Variants in TOX observed in about 807,000 individuals in gnomAD.
TOX encodes thymocyte selection associated high mobility group box.
TOX carries 11 observed loss-of-function variants against 53.7 expected under a neutral mutation model. The ratio of observed to expected loss-of-function variants is 0.20; its 90% CI spans 0.13 to 0.34. The LOEUF is 0.34. Ranked by LOEUF, TOX falls within the 10% of genes least tolerant of loss-of-function variation. TOX has a pLI of 1.00. For missense variants in TOX, 570 were observed against 664.6 expected, an observed-to-expected ratio of 0.86 and a Z score of 1.56; for synonymous variants, 225 against 245.3, an observed-to-expected ratio of 0.92 and a Z score of 0.77.
intron 3 of TOX, among the ~76,000 whole-genome samples, chr8:58,860,633 A>G (rs927076976): frequency 3.9e-5 from 6 of 152,164 alleles, no homozygotes; most frequent in African/African-American, 1.2e-4. Flanking sequence ...CACTGACACA[A>G]TTATGACCAA....
intron 1 of TOX, among the ~76,000 whole-genome samples, chr8:59,018,641 C>A (rs917297243): frequency 2.0e-5 from 3 of 152,054 alleles, no homozygotes; most frequent in Non-Finnish European, 4.4e-5. Context: ...TGGGGTGTTC[C>A]GGAGTTTCTT....
chr8:58,936,516 C>T (rs1035990191), intron 3 of TOX, among the ~76,000 whole-genome samples: 1 of 152,136 alleles, frequency 6.6e-6, no homozygotes, highest in Non-Finnish European at 1.5e-5. Context: ...ACATTGAGAC[C>T]ATGGTAAGCA....
At chr8:59,074,351 A>C (rs1007070509) in intron 1 of TOX, among the ~76,000 whole-genome samples, 11 of 152,230 alleles carry the variant, frequency 7.2e-5, no homozygotes, top group African/African-American at 2.4e-4. Flanking sequence ...AGAGAAAAAG[A>C]AGCAGATGAA....
chr8:58,900,223 T>C (rs981607068), intron 3 of TOX, among the ~76,000 whole-genome samples: 2 of 152,180 alleles, frequency 1.3e-5, no homozygotes, highest in African/African-American at 4.8e-5. Context: ...TAACTATTTT[T>C]TTCAACCACA....
rs566994019 is a variant in TOX, at chr8:58,924,017, T to G, written c.411+15285A>C. 3.3e-5 allele frequency among the ~76,000 whole-genome samples: 5 copies of G among 152,318 alleles called. No individual in the cohort carries two copies. The East Asian group carries it at 9.6e-4, about 29-fold the overall frequency. On this transcript the variant is annotated intron_variant, in intron 3 of 8. Transcript: ENST00000361421. ...CATATCAATTTTGGAAACTTTTATA[T>G]TCCATGAAGCTCTAAGGTAAGAATC...
intron 2 of TOX, among the ~76,000 whole-genome samples, chr8:58,955,444 C>T (rs1472252240): frequency 6.6e-6 from 1 of 151,930 alleles, no homozygotes; most frequent in East Asian, 1.9e-4. Flanking sequence ...GGGAACCAAA[C>T]AGAAGGAAAT....
chr8:58,997,441 T>A (rs1209026940), intron 1 of TOX, among the ~76,000 whole-genome samples: 1 of 152,104 alleles, frequency 6.6e-6, no homozygotes, highest in Non-Finnish European at 1.5e-5. Flanking sequence ...CTTTGACGAG[T>A]CTTTGGCTTC....
At chr8:59,015,232 A>G (rs1351915852) in intron 1 of TOX, among the ~76,000 whole-genome samples, 1 of 152,252 alleles carries the variant, frequency 6.6e-6, no homozygotes, top group Non-Finnish European at 1.5e-5. Flanking sequence ...ATATTTTAAA[A>G]TAAATACGAT....
chr8:58,869,085 G>A (rs1223281690), intron 3 of TOX, among the ~76,000 whole-genome samples: 1 of 151,842 alleles, frequency 6.6e-6, no homozygotes, highest in Non-Finnish European at 1.5e-5. Flanking sequence ...AAATTAGCTG[G>A]GCATGGTGGT....
chr8:59,010,212 G>A (rs1813876341), intron 1 of TOX, among the ~76,000 whole-genome samples: 1 of 152,082 alleles, frequency 6.6e-6, no homozygotes, highest in South Asian at 2.1e-4. Flanking sequence ...ATAAAATGAG[G>A]ATACAAAGCA....
At chr8:58,993,479 G>C (rs1813494506) in intron 1 of TOX, among the ~76,000 whole-genome samples, 2 of 152,188 alleles carry the variant, frequency 1.3e-5, no homozygotes, top group Non-Finnish European at 2.9e-5. Flanking sequence ...CATTGCGCCA[G>C]ACTGGGAAAA....
chr8:59,084,022 T>C (rs901499517), intron 1 of TOX, among the ~76,000 whole-genome samples: 1 of 152,190 alleles, frequency 6.6e-6, no homozygotes, highest in Admixed American at 6.5e-5. Flanking sequence ...ACAATACATA[T>C]AATCCTTTTA....
chr8:58,895,823 T>C (rs1811635278), intron 3 of TOX, among the ~76,000 whole-genome samples: 1 of 152,192 alleles, frequency 6.6e-6, no homozygotes, highest in African/African-American at 2.4e-5. Flanking sequence ...TTTAATTCCC[T>C]TGAGGCTCAG....
At chr8:59,015,407 CA>C (rs1813989123) in intron 1 of TOX, among the ~76,000 whole-genome samples, 1 of 152,190 alleles carries the variant, frequency 6.6e-6, no homozygotes, top group African/African-American at 2.4e-5. Context: ...TCCCCTCCCC[CA>C]ACATGCAAAA....
At chr8:58,979,634 TG>T (rs1373169767) in intron 1 of TOX, among the ~76,000 whole-genome samples, 1 of 152,224 alleles carries the variant, frequency 6.6e-6, no homozygotes, top group Non-Finnish European at 1.5e-5. Context: ...CACTCCATAT[TG>T]ATGATATAAA....
At chr8:58,923,190 A>C (rs1812101143) in intron 3 of TOX, among the ~76,000 whole-genome samples, 1 of 152,158 alleles carries the variant, frequency 6.6e-6, no homozygotes, top group Non-Finnish European at 1.5e-5. Context: ...TCTTGTGTGG[A>C]GAATGTATCA....
intron 1 of TOX, among the ~76,000 whole-genome samples, chr8:59,028,974 T>C (rs1814298018): frequency 6.6e-6 from 1 of 152,158 alleles, no homozygotes; most frequent in African/African-American, 2.4e-5. Flanking sequence ...AAATTCTGAA[T>C]TGAGGCTTCA....
intron 3 of TOX, among the ~76,000 whole-genome samples, chr8:58,884,677 T>C (rs965371721): frequency 6.6e-6 from 1 of 152,128 alleles, no homozygotes; most frequent in Non-Finnish European, 1.5e-5. Context: ...CAAGTTTTAA[T>C]TCAGGACAGA....
intron 3 of TOX, among the ~76,000 whole-genome samples, chr8:58,869,929 C>G (rs1161197554): frequency 6.6e-6 from 1 of 151,502 alleles, no homozygotes; most frequent in South Asian, 2.1e-4. Flanking sequence ...ACTTCCTCAA[C>G]TTGATTTTTA....
Sources: allele counts gnomAD v4.1 joint callset (sites outside exome capture counted in the v4.1 genomes callset), GRCh38; gene constraint gnomAD v4.1.1; transcripts MANE v1.5; gene names NCBI Gene and HGNC (gene_info 2026-07-23, HGNC 2026-07-21).